Variants in CPED1 observed in about 807,000 individuals in gnomAD.
The protein encoded by CPED1 is cadherin-like and PC-esterase domain-containing protein 1.
CPED1 carries 114 observed loss-of-function variants against 128.2 expected under a neutral mutation model. The observed-to-expected ratio is 0.89, with a 90% confidence interval of 0.76 to 1.04. The LOEUF is 1.04. Among genes scored for constraint, CPED1 ranks in the 50% least tolerant of loss-of-function variants. CPED1 has a pLI of 0.00. For synonymous variants in CPED1, 462 were observed against 426.7 expected, an observed-to-expected ratio of 1.08 and a Z score of -1.02; for missense variants, 1,211 against 1,207.1, an observed-to-expected ratio of 1.00 and a Z score of -0.05.
chr7:121,172,482 G>T (rs1796669455), intron 16 of CPED1, among the ~76,000 whole-genome samples: 1 of 151,574 alleles, frequency 6.6e-6, no homozygotes. Context: ...ATAGATTGCT[G>T]CTTTCTTCTA....
At chr7:121,106,404 A>G (rs1175092881) in intron 7 of CPED1, among the ~76,000 whole-genome samples, 4 of 152,036 alleles carry the variant, frequency 2.6e-5, no homozygotes, top group Non-Finnish European at 5.9e-5. Flanking sequence ...GTAAAGGTAA[A>G]ACCTAACACT....
chr7:121,238,722 AATTG>A (rs1221447264), intron 17 of CPED1, among the ~76,000 whole-genome samples: 2 of 149,926 alleles, frequency 1.3e-5, no homozygotes, highest in African/African-American at 4.9e-5. Flanking sequence ...TATGTTTTAT[AATTG>A]ATAAAATATA....
At chr7:121,021,965 T>C (rs969238842) in intron 3 of CPED1, among the ~76,000 whole-genome samples, 1 of 152,010 alleles carries the variant, frequency 6.6e-6, no homozygotes, top group Admixed American at 6.6e-5. Flanking sequence ...CCTTCTCGAC[T>C]TATATGTTCT....
At chr7:121,046,789 G>T in intron 3 of CPED1, 98 bp from the exon 4 acceptor site, 1 of 732,862 alleles carries the variant, frequency 1.4e-6, no homozygotes, top group Non-Finnish European at 2.2e-6. Flanking sequence ...TTGTGTTTCA[G>T]AATTTAAATA....
intron 16 of CPED1, among the ~76,000 whole-genome samples, chr7:121,151,690 T>G (rs1365956443): frequency 1.3e-5 from 2 of 152,234 alleles, no homozygotes; most frequent in Non-Finnish European, 2.9e-5. Flanking sequence ...TAGGTAATGG[T>G]GCTCCTGAAA....
At chr7:121,157,777 C>A (rs995871305) in intron 16 of CPED1, among the ~76,000 whole-genome samples, 1 of 152,072 alleles carries the variant, frequency 6.6e-6, no homozygotes. Context: ...GGCATCCAGA[C>A]CTAGACACGG....
chr7:121,261,519 G>A, intron 18 of CPED1: 2 of 1,425,992 alleles, frequency 1.4e-6, no homozygotes, highest in Non-Finnish European at 1.9e-6. Context: ...CTGACATTAG[G>A]TATTTGGCCA....
chr7:121,099,857 A>G, intron 6 of CPED1, 69 bp from the exon 7 acceptor site: 1 of 1,506,882 alleles, frequency 6.6e-7, no homozygotes, highest in East Asian at 2.3e-5. Context: ...CAAAGCTTGT[A>G]GGTAATTTAC....
intron 16 of CPED1, among the ~76,000 whole-genome samples, chr7:121,208,521 G>A (rs1797571702): frequency 1.3e-5 from 2 of 152,022 alleles, no homozygotes; most frequent in South Asian, 4.1e-4. Flanking sequence ...TTATAAGGCA[G>A]CCCTTCACAG....
intron 4 of CPED1, chr7:121,051,663 G>A: frequency 3.2e-6 from 1 of 316,408 alleles, no homozygotes; most frequent in Non-Finnish European, 6.0e-6. Context: ...GCTTCTCCCT[G>A]TCAGAATTGT....
rs114365743 is a variant in CPED1, at chr7:121,100,414, A to G, written c.918+320A>G. On this transcript the variant is annotated intron_variant, in intron 7 of 22. Transcript: ENST00000310396. ...TTCTTAATTTTTCACTTATTCAAGA[A>G]AAATATAGTCAAGGCAACAAATGAA... Among the ~76,000 whole-genome samples, 932 of 152,330 alleles carry G rather than the reference A, an allele frequency of 6.1e-3. 8 individuals are homozygous for G. Among genetic ancestry groups the G allele is most frequent in the African/African-American group, 0.021 (870 of 41,572 alleles).
intron 4 of CPED1, among the ~76,000 whole-genome samples, chr7:121,055,832 A>C (rs1014202880): frequency 2.0e-5 from 3 of 152,110 alleles, no homozygotes; most frequent in African/African-American, 7.2e-5. Flanking sequence ...CCAGAAATGA[A>C]TAGAAGTACA....
intron 2 of CPED1, among the ~76,000 whole-genome samples, chr7:121,010,730 C>T (rs1792138328): frequency 6.6e-6 from 1 of 152,078 alleles, no homozygotes; most frequent in African/African-American, 2.4e-5. Context: ...AAATGTGTAG[C>T]CCTCCCATCA....
At chr7:121,083,651 G>GT (rs2116150088) in intron 5 of CPED1, 1 of 152,352 alleles carries the variant, frequency 6.6e-6, no homozygotes, top group South Asian at 2.1e-4. Context: ...GCCAGGCTGC[G>GT]TATGTGTAAA....
intron 18 of CPED1, among the ~76,000 whole-genome samples, chr7:121,250,927 A>G (rs1279837775): frequency 1.3e-5 from 2 of 152,210 alleles, no homozygotes; most frequent in African/African-American, 4.8e-5. Context: ...AAATTATTCC[A>G]ATCAATAGAA....
intron 14 of CPED1, among the ~76,000 whole-genome samples, chr7:121,137,148 T>C (rs1795802070): frequency 6.6e-6 from 1 of 151,424 alleles, no homozygotes; most frequent in Admixed American, 6.6e-5. Flanking sequence ...AAAAAAAGTA[T>C]AGATTTAGAT....
At chr7:121,276,877 G>A (rs1792341046) in intron 22 of CPED1, among the ~76,000 whole-genome samples, 1 of 152,196 alleles carries the variant, frequency 6.6e-6, no homozygotes, top group South Asian at 2.1e-4. Context: ...GGATGATCCT[G>A]TAGGTGATGG....
chr7:121,249,585 T>C (rs1798620778), intron 18 of CPED1, among the ~76,000 whole-genome samples: 1 of 152,100 alleles, frequency 6.6e-6, no homozygotes. Flanking sequence ...ATAAACTTTA[T>C]AAGTGAAGGA....
intron 2 of CPED1, among the ~76,000 whole-genome samples, chr7:120,994,673 T>TGTTGTTA (rs1796366032): frequency 6.9e-6 from 1 of 144,404 alleles, no homozygotes; most frequent in Non-Finnish European, 1.5e-5. Context: ...TTGTTGTTGT[T>TGTTGTTA]ACTGATGGAA....
Sources: gnomAD v4.1 joint callset for allele counts (sites outside exome capture counted in the v4.1 genomes callset) on GRCh38, gnomAD v4.1.1 for gene constraint, MANE v1.5 for transcripts, NCBI Gene and HGNC (gene_info 2026-07-23, HGNC 2026-07-21) for gene names.